Variants in SENP2 observed in about 807,000 individuals in gnomAD.
SENP2 encodes sentrin-specific protease 2.
Under a neutral mutation model 86.3 loss-of-function variants are expected in SENP2, and 16 were observed. The observed-to-expected ratio is 0.19, with a 90% CI of 0.13 to 0.28. SENP2 has a LOEUF of 0.28. Among genes scored for constraint, SENP2 ranks in the 10% least tolerant of loss-of-function variants. The probability of loss-of-function intolerance (pLI) is 1.00; values close to 1 mark genes in which losing one functional copy is unlikely to be tolerated. For synonymous variants in SENP2, 222 were observed against 238.7 expected (o/e 0.93, Z 0.64); for missense variants, 552 against 703.0 (o/e 0.79, Z 2.43).
chr3:185,595,248 G>A (rs1722138578), intron 2 of SENP2, among the ~76,000 whole-genome samples: 1 of 152,152 alleles, frequency 6.6e-6, no homozygotes, highest in African/African-American at 2.4e-5. Context: ...AATTTGCTAT[G>A]TTACCAAGAG....
intron 2 of SENP2, among the ~76,000 whole-genome samples, chr3:185,593,948 C>T (rs1259737868): frequency 6.6e-6 from 1 of 151,848 alleles, no homozygotes; most frequent in African/African-American, 2.4e-5. Flanking sequence ...AGACTGGTCT[C>T]GAATTCCTGA....
At chr3:185,626,197 C>T in intron 15 of SENP2, 101 bp from the exon 16 acceptor site, 1 of 711,558 alleles carries the variant, frequency 1.4e-6, no homozygotes, top group Non-Finnish European at 2.3e-6. Flanking sequence ...TAATATTTAC[C>T]TTTATAATAT....
intron 2 of SENP2, among the ~76,000 whole-genome samples, chr3:185,595,437 G>C (rs2148982196): frequency 6.6e-6 from 1 of 152,214 alleles, no homozygotes; most frequent in East Asian, 1.9e-4. Context: ...GCATAGTTTG[G>C]TACTTATAAC....
intron 3 of SENP2, among the ~76,000 whole-genome samples, 188 bp downstream of exon 3, chr3:185,598,733 C>CT (rs2148983519): frequency 6.6e-6 from 1 of 152,210 alleles, no homozygotes; most frequent in East Asian, 1.9e-4. Context: ...AACATGTTTA[C>CT]AAAGAGCTAA....
At chr3:185,613,474 GA>G in intron 10 of SENP2, 66 bp downstream of exon 10, 1 of 944,960 alleles carries the variant, frequency 1.1e-6, no homozygotes, top group Non-Finnish European at 1.7e-6. Context: ...TGGTGCCCAT[GA>G]AAAGCAAGAA....
chr3:185,625,647 T>C (rs1211257639), intron 15 of SENP2, among the ~76,000 whole-genome samples: 1 of 152,186 alleles, frequency 6.6e-6, no homozygotes, highest in African/African-American at 2.4e-5. Flanking sequence ...CAAGTGTTTT[T>C]GCCTTACGGC....
chr3:185,586,307 C>G lies in SENP2; in HGVS notation c.-107C>G. The G allele has an allele frequency of 1.9e-6, 3 of 1,568,528 alleles. No individual in the cohort carries two copies. The South Asian group carries it at 3.4e-5, about 18-fold the overall frequency. ...CTTGAATCGCGTCACAAATCAGCGA[C>G]CGAACTCTGGCGGTGGTGGTTAAGA... On this transcript the variant is annotated 5_prime_UTR_variant, in exon 1 of 17. Transcript: ENST00000296257. This position sits in a 1 kb window ranked among gnomAD's most constrained non-coding sequence, Gnocchi z 4.3.
At position 185,590,116 on chromosome 3, in the gene SENP2, C is replaced by G; in HGVS notation, c.104C>G (p.Thr35Ser). ...ATTTTTTTCTTTCTCTTTTTCAGCA[C>G]TCTGTTTTCTACAGTGGACACTGAT... ...ALLKRRRSDS[T>S]LFSTVDTDEI... The change falls in exon 2 of 17, where the codon ACT (threonine) becomes AGT (serine). Residue 35 changes from threonine to serine, a missense_variant and splice_region_variant. Physicochemically the swap from Thr to Ser is moderately conservative, Grantham distance 58. This residue lies in a region of SENP2 where 383 missense variants were observed against 427.3 expected (regional missense o/e 0.90). Transcript: ENST00000296257. 6.6e-7 allele frequency: 1 copy of G among 1,505,822 alleles called. No individual in the cohort carries two copies. Among genetic ancestry groups the G allele is most frequent in the Admixed American group, 2.1e-5 (1 of 47,128 alleles). 93.3% of individuals were successfully genotyped at this position (1,505,822 alleles called of 1,614,324 possible).
intron 2 of SENP2, among the ~76,000 whole-genome samples, chr3:185,596,275 A>G (rs913287229): frequency 3.9e-5 from 6 of 152,064 alleles, no homozygotes; most frequent in African/African-American, 1.4e-4. Context: ...AAGATCTTCT[A>G]ACACATCTCC....
intron 5 of SENP2, among the ~76,000 whole-genome samples, chr3:185,604,970 G>A (rs1182631861): frequency 6.6e-6 from 1 of 150,952 alleles, no homozygotes; most frequent in Non-Finnish European, 1.5e-5. Context: ...TGGCCAGGCT[G>A]GTCTTGAACT....
chr3:185,590,374 C>G (rs1008294284), intron 2 of SENP2, among the ~76,000 whole-genome samples: 3 of 151,758 alleles, frequency 2.0e-5, no homozygotes, highest in East Asian at 1.9e-4. Context: ...ATGGCAAAAC[C>G]CTGTCTCTAC....
At chr3:185,623,320 A>G (rs1453619140) in intron 14 of SENP2, among the ~76,000 whole-genome samples, 1 of 151,218 alleles carries the variant, frequency 6.6e-6, no homozygotes, top group African/African-American at 2.4e-5. Flanking sequence ...TTGTATTTTT[A>G]GTAGAGATGA....
chr3:185,601,311 C>T (rs931617109), intron 5 of SENP2, among the ~76,000 whole-genome samples: 1 of 152,056 alleles, frequency 6.6e-6, no homozygotes, highest in Non-Finnish European at 1.5e-5. Flanking sequence ...TCCCAAAGTG[C>T]TGGGATTACA....
At chr3:185,596,483 T>C (rs758309918) in intron 2 of SENP2, among the ~76,000 whole-genome samples, 4 of 151,850 alleles carry the variant, frequency 2.6e-5, no homozygotes, top group Non-Finnish European at 5.9e-5. Context: ...TAGCCAGACA[T>C]GGTGGTGCAT....
chr3:185,631,420 A>G lies in SENP2; in HGVS notation c.*1576A>G, dbSNP rs1379442694. 2.5e-5 allele frequency: 1 copy of G among 40,446 alleles called. No individual in the cohort carries two copies. The highest frequency in any genetic ancestry group is 4.3e-5 in the Non-Finnish European group (1 of 23,488). 2.5% of individuals were successfully genotyped at this position (40,446 alleles called of 1,614,324 possible). A position where few individuals can be genotyped will look rare whatever the true frequency, so the allele number is the denominator to read the frequency against. Reference sequence around the variant, plus strand: ...CTGAAGCGGGAGCAGGTTGTACCACACCTCTCCCCCCCCCCTCCCACTCCC... The same window carrying G: ...CTGAAGCGGGAGCAGGTTGTACCACGCCTCTCCCCCCCCCCTCCCACTCCC... On this transcript the variant is annotated 3_prime_UTR_variant, in exon 17 of 17. Coordinates refer to ENST00000296257, the MANE Select transcript of SENP2 (RefSeq NM_021627.3).
intron 11 of SENP2, 109 bp downstream of exon 11, chr3:185,614,849 T>C (rs1323845538): frequency 1.5e-5 from 15 of 992,404 alleles, no homozygotes; most frequent in Non-Finnish European, 2.1e-5. Context: ...GGGGTGAATA[T>C]ATGAAAACAT....
At chr3:185,607,286 AAG>A (rs1233763262) in intron 6 of SENP2, among the ~76,000 whole-genome samples, 1 of 151,012 alleles carries the variant, frequency 6.6e-6, no homozygotes, top group African/African-American at 2.4e-5. Flanking sequence ...AGGAAGAAGA[AAG>A]AGTCATATTA....
At chr3:185,622,166 C>T (rs142027475) in intron 14 of SENP2, among the ~76,000 whole-genome samples, 2 of 152,248 alleles carry the variant, frequency 1.3e-5, no homozygotes, top group Admixed American at 1.3e-4. Context: ...TCTTTGGCAT[C>T]GATACGTTAT....
Position 185,586,626 on chromosome 3 carries a change from G to A in SENP2, c.101+112G>A. 1 of 983,568 alleles carries A rather than the reference G, an allele frequency of 1.0e-6. No individual in the cohort carries two copies. The highest frequency in any genetic ancestry group is 1.5e-6 in the Non-Finnish European group (1 of 649,448). The allele number at this position is 983,568 out of a possible 1,614,324, so 60.9% of individuals were successfully genotyped here. A position where few individuals can be genotyped will look rare whatever the true frequency, so the allele number is the denominator to read the frequency against. ...AGGCTCACCCGAAACAGGTCGCCGG[G>A]ATCCTAGTGACGTAGTCGCTCCCGC... On this transcript the variant is annotated intron_variant, in intron 1 of 16. Coordinates refer to ENST00000296257, the MANE Select transcript of SENP2 (RefSeq NM_021627.3). The surrounding 1 kb of genome is among the most constrained non-coding windows in gnomAD (Gnocchi z 4.3).
Sources: allele counts gnomAD v4.1 joint callset (sites outside exome capture counted in the v4.1 genomes callset), GRCh38; gene constraint gnomAD v4.1.1; regional missense constraint gnomAD v4.1.1; non-coding constraint Gnocchi (gnomAD v3.1); transcripts MANE v1.5; gene names NCBI Gene and HGNC (gene_info 2026-07-23, HGNC 2026-07-21).